Variants in FGGY observed in about 807,000 individuals in gnomAD.
FGGY encodes FGGY carbohydrate kinase domain containing.
FGGY carries 72 observed loss-of-function variants against 71.3 expected under a neutral mutation model. The ratio of observed to expected loss-of-function variants is 1.01; its 90% CI spans 0.84 to 1.23. FGGY has a LOEUF of 1.23. FGGY is among the 50% of genes most tolerant of loss of function. The probability of loss-of-function intolerance (pLI) is 0.00; values close to 1 mark genes in which losing one functional copy is unlikely to be tolerated. For missense variants in FGGY, 668 were observed against 682.3 expected (o/e 0.98, Z 0.23); for synonymous variants, 251 against 250.3 (o/e 1.00, Z -0.02).
intron 14 of FGGY, among the ~76,000 whole-genome samples, chr1:59,684,097 G>A (rs1434346400): frequency 1.1e-4 from 17 of 152,172 alleles, no homozygotes; most frequent in African/African-American, 7.2e-5. Context: ...TGCATGTGAC[G>A]GGAACAGCCT....
Position 59,710,848 on chromosome 1 carries a change from A to C in FGGY, c.1512+36715A>C, listed in dbSNP as rs115369705. On this transcript the variant is annotated intron_variant, in intron 14 of 15. Transcript: ENST00000303721. The stretch of plus-strand genomic sequence containing the variant: ...ACACTTTTACACTGTTTTTGGGAAT[A>C]TAAATTAGTTCAACCTTTGTGGAAG... Among the ~76,000 whole-genome samples the C allele has an allele frequency of 8.9e-3, 1,352 of 152,300 alleles. 16 individuals carry two copies. The highest frequency in any genetic ancestry group is 0.031 in the African/African-American group (1,272 of 41,568).
At chr1:59,485,594 T>G (rs1264381223) in intron 6 of FGGY, among the ~76,000 whole-genome samples, 1 of 151,452 alleles carries the variant, frequency 6.6e-6, no homozygotes, top group African/African-American at 2.5e-5. Context: ...TTGCTGTTGT[T>G]TTTGCTTTAT....
intron 2 of FGGY, among the ~76,000 whole-genome samples, chr1:59,336,453 GATAA>G (rs946374673): frequency 1.2e-4 from 18 of 146,858 alleles, no homozygotes; most frequent in African/African-American, 2.5e-4. Context: ...CAAATAAGTA[GATAA>G]ATAAATAAAT....
chr1:59,394,652 T>C (rs1237829174), intron 5 of FGGY, among the ~76,000 whole-genome samples: 1 of 152,202 alleles, frequency 6.6e-6, no homozygotes, highest in Non-Finnish European at 1.5e-5. Context: ...AGCTAAATAC[T>C]ATTGTCTACC....
chr1:59,665,223 T>C (rs2097312716), intron 12 of FGGY, among the ~76,000 whole-genome samples: 1 of 152,154 alleles, frequency 6.6e-6, no homozygotes, highest in South Asian at 2.1e-4. Context: ...TCAAGGGGGT[T>C]CATGACCCCC....
At chr1:59,628,789 G>C (rs532869966) in intron 10 of FGGY, among the ~76,000 whole-genome samples, 1 of 152,282 alleles carries the variant, frequency 6.6e-6, no homozygotes, top group South Asian at 2.1e-4. Context: ...GTCTAAGGTG[G>C]CCACTAATAG....
intron 4 of FGGY, among the ~76,000 whole-genome samples, chr1:59,369,179 C>T (rs189523470): frequency 7.3e-5 from 11 of 151,674 alleles, no homozygotes; most frequent in African/African-American, 1.9e-4. Context: ...GGGTGACAGA[C>T]GGCACCTGGA....
At chr1:59,447,551 T>C (rs1557954669) in intron 5 of FGGY, among the ~76,000 whole-genome samples, 2 of 152,178 alleles carry the variant, frequency 1.3e-5, no homozygotes, top group Non-Finnish European at 2.9e-5. Context: ...TCACCTTGAA[T>C]TGTAGCTCTG....
intron 4 of FGGY, among the ~76,000 whole-genome samples, chr1:59,356,848 T>C (rs1397490238): frequency 6.6e-6 from 1 of 152,192 alleles, no homozygotes; most frequent in Non-Finnish European, 1.5e-5. Context: ...GTATGCAAAG[T>C]GAAGGCTCTA....
In FGGY at chr1:59,640,606, G is replaced by A. The variant is rs765513773; in HGVS notation, c.1221+2231G>A. ...AATTTCTTCTTTTGGCCCCTAAAACGTTTCCCTGGACACAGAGTAAGTGCT... is the reference window on the plus strand; with the variant it reads ...AATTTCTTCTTTTGGCCCCTAAAACATTTCCCTGGACACAGAGTAAGTGCT... On this transcript the variant is annotated intron_variant, in intron 11 of 15. Coordinates refer to ENST00000303721, the MANE Select transcript of FGGY (RefSeq NM_018291.5). 7.9e-5 allele frequency among the ~76,000 whole-genome samples: 12 copies of A among 151,394 alleles called. 1 individual carries two copies. The highest frequency in any genetic ancestry group is 1.7e-4 in the African/African-American group (7 of 40,838).
intron 4 of FGGY, among the ~76,000 whole-genome samples, chr1:59,359,139 G>A (rs930699317): frequency 2.0e-5 from 3 of 151,764 alleles, no homozygotes; most frequent in Non-Finnish European, 2.9e-5. Flanking sequence ...GAAAATGAGA[G>A]CTCTCTTATT....
intron 8 of FGGY, among the ~76,000 whole-genome samples, chr1:59,558,300 T>C (rs957516741): frequency 2.0e-5 from 3 of 152,220 alleles, no homozygotes; most frequent in Admixed American, 6.5e-5. Flanking sequence ...TGAACTCATA[T>C]TGGGGGAACC....
At chr1:59,342,388 A>T (rs190454988) in intron 3 of FGGY, among the ~76,000 whole-genome samples, 4 of 152,164 alleles carry the variant, frequency 2.6e-5, no homozygotes, top group African/African-American at 7.2e-5. Context: ...CCCTCTTTGG[A>T]TGCTATTTTT....
intron 14 of FGGY, among the ~76,000 whole-genome samples, chr1:59,687,454 C>CA (rs1307178373): frequency 3.3e-5 from 5 of 151,810 alleles, no homozygotes; most frequent in Non-Finnish European, 4.4e-5. Flanking sequence ...TCTCTTCTGT[C>CA]ACTAATGAAA....
intron 12 of FGGY, 54 bp downstream of exon 12, chr1:59,660,347 A>C: frequency 7.2e-7 from 1 of 1,384,002 alleles, no homozygotes; most frequent in South Asian, 1.2e-5. Flanking sequence ...AGTATACTCT[A>C]GGCCACTGGC....
chr1:59,540,779 G>A (rs1558282807), intron 7 of FGGY, among the ~76,000 whole-genome samples: 1 of 152,234 alleles, frequency 6.6e-6, no homozygotes, highest in Non-Finnish European at 1.5e-5. Flanking sequence ...GAACGGAGAG[G>A]AGGAGGTGAG....
At chr1:59,645,186 C>T (rs2097081176) in intron 11 of FGGY, among the ~76,000 whole-genome samples, 1 of 152,188 alleles carries the variant, frequency 6.6e-6, no homozygotes, top group African/African-American at 2.4e-5. Context: ...GGCGGGTTAA[C>T]TCTGTGCAGC....
chr1:59,324,053 G>C (rs1234377604), intron 2 of FGGY, among the ~76,000 whole-genome samples: 1 of 152,114 alleles, frequency 6.6e-6, no homozygotes. Context: ...ATGGACTCCA[G>C]GAAGTTGAGA....
At chr1:59,591,322 C>T (rs142839497) in intron 8 of FGGY, among the ~76,000 whole-genome samples, 18,765 of 152,194 alleles carry the variant, frequency 0.12, 1,333 homozygotes, top group South Asian at 0.3. Context: ...ATTCCATGCT[C>T]ATGGGTAGGA....
Sources: allele counts gnomAD v4.1 joint callset (sites outside exome capture counted in the v4.1 genomes callset), GRCh38; gene constraint gnomAD v4.1.1; transcripts MANE v1.5; gene names NCBI Gene and HGNC (gene_info 2026-07-23, HGNC 2026-07-21).